SHOC1: variants seen among roughly 807,000 people sequenced by gnomAD.
SHOC1 encodes the protein shortage in chiasmata 1, also known as protein shortage in chiasmata 1 ortholog.
A neutral mutation model predicts 179.2 loss-of-function variants in SHOC1; 136 were observed. That is an observed-to-expected ratio of 0.76 (90% CI 0.66 to 0.87). The LOEUF (loss-of-function observed/expected upper bound fraction) is 0.87. SHOC1 is among the 40% of genes least tolerant of loss of function. SHOC1 has a pLI of 0.00. For synonymous variants in SHOC1, 489 were observed against 586.6 expected, an observed-to-expected ratio of 0.83 and a Z score of 2.41; for missense variants, 1,538 against 1,700.8, an observed-to-expected ratio of 0.90 and a Z score of 1.68.
rs1833895354 is a variant in SHOC1, at chr9:111,738,325, T to C, written c.1372A>G (p.Thr458Ala). ...LCHDNLSSND[T>A]KIEIFLPTKV... ...GTAGGCAAAAATATCTCAATTTTAG[T>C]GTCATTAGAAGACAAATTATCATGA... Residue 458 changes from threonine to alanine, a missense_variant, in exon 12 of 28, where the codon ACT (threonine) becomes GCT (alanine). By Grantham distance (58) the Thr-to-Ala change is moderately conservative. Transcript: ENST00000682961. The C allele has an allele frequency of 2.5e-6, 4 of 1,611,850 alleles. No homozygotes were observed. In the South Asian group the frequency reaches 3.3e-5, roughly 13 times the overall value.
At chr9:111,747,992 G>A (rs10817214) in intron 9 of SHOC1, 100 bp downstream of exon 9, 135,739 of 697,216 alleles carry the variant, frequency 0.19, 14,462 homozygotes, top group Non-Finnish European at 0.22. Context: ...TTTTAAACAT[G>A]GAAACTGACT....
chr9:111,702,090 GA>G lies in SHOC1; in HGVS notation c.3089+14del. The G allele has an allele frequency of 6.9e-7, 1 of 1,455,650 alleles. No homozygotes were observed. The highest frequency in any genetic ancestry group is 9.4e-7 in the Non-Finnish European group (1 of 1,065,716). The allele number at this position is 1,455,650 out of a possible 1,614,324, so 90.2% of individuals were successfully genotyped here. ...AAATACGAACATAACTTTGGATGAA[GA>G]AATGTTTACCTACTCTGAATTTAAT... On this transcript the variant is annotated intron_variant, in intron 23 of 27. Coordinates refer to ENST00000682961, the MANE Select transcript of SHOC1 (RefSeq NM_001378211.1).
intron 16 of SHOC1, among the ~76,000 whole-genome samples, chr9:111,715,792 A>G (rs1212278956): frequency 2.0e-5 from 3 of 152,182 alleles, no homozygotes; most frequent in African/African-American, 7.2e-5. Flanking sequence ...TAAGGATAAT[A>G]GTCTCCATCT....
intron 12 of SHOC1, among the ~76,000 whole-genome samples, chr9:111,736,527 A>C (rs193119487): frequency 1.1e-3 from 164 of 152,334 alleles, no homozygotes; most frequent in African/African-American, 3.8e-3. Flanking sequence ...GAAGACTAAA[A>C]CTGGATCGCT....
At chr9:111,729,661 G>A (rs750109898) in intron 12 of SHOC1, among the ~76,000 whole-genome samples, 8 of 152,160 alleles carry the variant, frequency 5.3e-5, no homozygotes, top group East Asian at 1.9e-4. Context: ...TGGGAAGGCC[G>A]AGGCAGGCGG....
At chr9:111,759,793 C>T (rs577370223) in intron 5 of SHOC1, among the ~76,000 whole-genome samples, 39 of 152,268 alleles carry the variant, frequency 2.6e-4, no homozygotes, top group Admixed American at 1.9e-3. Flanking sequence ...ATGTCTCCCA[C>T]GGTTAACTAC....
chr9:111,700,973 G>A (rs1831945367), intron 23 of SHOC1, among the ~76,000 whole-genome samples: 1 of 152,156 alleles, frequency 6.6e-6, no homozygotes, highest in African/African-American at 2.4e-5. Context: ...ACTCTACTAG[G>A]AGAGGACTCT....
intron 23 of SHOC1, 46 bp downstream of exon 23, chr9:111,702,059 A>C: frequency 1.5e-6 from 2 of 1,363,778 alleles, no homozygotes; most frequent in South Asian, 2.8e-5. Flanking sequence ...AGGACTTAGG[A>C]TTAAGAAATA....
intron 5 of SHOC1, among the ~76,000 whole-genome samples, chr9:111,772,219 G>A (rs930638973): frequency 1.3e-5 from 2 of 152,016 alleles, no homozygotes; most frequent in Non-Finnish European, 2.9e-5. Context: ...CTCAGCAAAC[G>A]TATTTCTCAG....
intron 9 of SHOC1, among the ~76,000 whole-genome samples, chr9:111,746,729 T>A (rs1009417104): frequency 2.0e-5 from 3 of 152,164 alleles, no homozygotes; most frequent in African/African-American, 7.2e-5. Flanking sequence ...GCAACTATTA[T>A]GTTTGGTCAT....
intron 2 of SHOC1, among the ~76,000 whole-genome samples, chr9:111,788,930 C>T (rs1239567163): frequency 6.6e-6 from 1 of 152,052 alleles, no homozygotes; most frequent in Non-Finnish European, 1.5e-5. Flanking sequence ...CACTACCTCC[C>T]TTAACGTTCA....
chr9:111,770,995 T>C (rs1182389615), intron 5 of SHOC1, among the ~76,000 whole-genome samples: 5 of 152,116 alleles, frequency 3.3e-5, no homozygotes, highest in Admixed American at 1.3e-4. Context: ...TATTTGAAAA[T>C]TGAGACCATT....
At chr9:111,758,654 C>G in intron 6 of SHOC1, 41 bp downstream of exon 6, 5 of 1,502,736 alleles carry the variant, frequency 3.3e-6, no homozygotes, top group Non-Finnish European at 4.5e-6. Context: ...ACATTTTCAC[C>G]TCTTAAAAAT....
chr9:111,756,584 C>T (rs1834873442), intron 7 of SHOC1, 106 bp from the exon 8 acceptor site: 5 of 893,924 alleles, frequency 5.6e-6, no homozygotes, highest in Non-Finnish European at 8.6e-6. Context: ...AAATTTTAAA[C>T]TAAATCCACA....
intron 9 of SHOC1, among the ~76,000 whole-genome samples, chr9:111,746,668 C>G (rs1038360019): frequency 6.6e-6 from 1 of 151,466 alleles, no homozygotes; most frequent in African/African-American, 2.4e-5. Context: ...GCCTTTGTCT[C>G]TAAAAAAAAT....
At chr9:111,722,710 T>C in intron 14 of SHOC1, 125 bp from the exon 15 acceptor site, 1 of 680,534 alleles carries the variant, frequency 1.5e-6, no homozygotes, top group Non-Finnish European at 2.3e-6. Context: ...GAGTTAAAAA[T>C]AATGAGATTG....
chr9:111,749,011 T>C (rs1834440635), intron 8 of SHOC1, among the ~76,000 whole-genome samples: 1 of 134,354 alleles, frequency 7.4e-6, no homozygotes, highest in Non-Finnish European at 1.6e-5. Context: ...CCTGCCTTCC[T>C]TCCTGCCTTC....
intron 5 of SHOC1, among the ~76,000 whole-genome samples, chr9:111,764,080 G>A (rs1375370627): frequency 1.3e-5 from 2 of 152,128 alleles, no homozygotes; most frequent in Non-Finnish European, 2.9e-5. Context: ...ACGGTGTTGT[G>A]AGTGGCATGA....
chr9:111,713,208 G>T, intron 17 of SHOC1, 36 bp from the exon 18 acceptor site: 1 of 1,140,178 alleles, frequency 8.8e-7, no homozygotes, highest in Non-Finnish European at 1.3e-6. Flanking sequence ...ATATGTGGAT[G>T]ATTATTCTTT....
Sources: gnomAD v4.1 joint callset for allele counts (sites outside exome capture counted in the v4.1 genomes callset) on GRCh38, gnomAD v4.1.1 for gene constraint, MANE v1.5 for transcripts, NCBI Gene and HGNC (gene_info 2026-07-23, HGNC 2026-07-21) for gene names.